TTLL5: variants seen among roughly 807,000 people sequenced by gnomAD.
The protein encoded by TTLL5 is tubulin tyrosine ligase like 5.
TTLL5 carries 132 observed loss-of-function variants against 168.4 expected under a neutral mutation model. The ratio of observed to expected loss-of-function variants is 0.78; its 90% CI spans 0.68 to 0.91. The LOEUF (loss-of-function observed/expected upper bound fraction) is 0.91, where lower values mean the gene tolerates loss of function less well. Ranked by LOEUF, TTLL5 falls within the 40% of genes least tolerant of loss-of-function variation. The pLI, the probability that TTLL5 is intolerant of heterozygous loss-of-function variation, is 0.00. For missense variants in TTLL5, 1,545 were observed against 1,581.5 expected, an observed-to-expected ratio of 0.98 and a Z score of 0.39; for synonymous variants, 546 against 558.6, an observed-to-expected ratio of 0.98 and a Z score of 0.32.
intron 28 of TTLL5, among the ~76,000 whole-genome samples, chr14:75,857,870 C>T (rs950713004): frequency 3.3e-5 from 5 of 151,910 alleles, no homozygotes; most frequent in East Asian, 3.9e-4. Context: ...AGACTGGTCT[C>T]GAACTCCTGA....
chr14:75,729,313 T>G (rs181360320), intron 12 of TTLL5, among the ~76,000 whole-genome samples: 1 of 152,332 alleles, frequency 6.6e-6, no homozygotes, highest in Admixed American at 6.5e-5. Flanking sequence ...TTGTGGATAC[T>G]GAGTTTTTAA....
intron 24 of TTLL5, among the ~76,000 whole-genome samples, chr14:75,780,509 GC>G (rs1434747114): frequency 1.3e-5 from 2 of 152,112 alleles, no homozygotes; most frequent in Admixed American, 6.6e-5. Context: ...AAAGCTCTGT[GC>G]TTTAAATGTA....
At chr14:75,885,671 CGA>C (rs1324735734) in intron 30 of TTLL5, among the ~76,000 whole-genome samples, 1 of 152,172 alleles carries the variant, frequency 6.6e-6, no homozygotes, top group Non-Finnish European at 1.5e-5. Context: ...TCATGGCTCT[CGA>C]AATCAGGATC....
Position 75,775,466 on chromosome 14 carries a change from C to T in TTLL5, c.2137-18C>T, listed in dbSNP as rs1019488818. On this transcript the variant is annotated intron_variant, in intron 21 of 31. Transcript: ENST00000298832. The stretch of plus-strand genomic sequence containing the variant: ...CCATCCCTCCTTTTTTTTTCTCCCA[C>T]GACTCTTTAATTTATAGGAGCTGGT... The T allele has an allele frequency of 1.8e-5, 29 of 1,607,068 alleles. No individual in the cohort carries two copies. The highest frequency in any genetic ancestry group is 2.3e-5 in the Non-Finnish European group (27 of 1,177,368).
intron 27 of TTLL5, chr14:75,818,492 CT>C (rs745540720): frequency 0.067 from 21,538 of 322,432 alleles, 2 homozygotes; most frequent in South Asian, 0.099. Context: ...CTTTTCTTTT[CT>C]TTTTTTTTTT....
In TTLL5 at chr14:75,707,609, C is replaced by CTT; in HGVS notation, c.656-4_656-3dup. 13 of 1,197,940 alleles carry CTT rather than the reference C, an allele frequency of 1.1e-5. No individual in the cohort carries two copies. Among genetic ancestry groups the CTT allele is most frequent in the South Asian group, 4.5e-5 (3 of 66,478 alleles). 74.2% of individuals were successfully genotyped at this position (1,197,940 alleles called of 1,614,324 possible). On this transcript the variant is annotated splice_polypyrimidine_tract_variant and intron_variant, in intron 8 of 31. Transcript: ENST00000298832. The stretch of plus-strand genomic sequence containing the variant: ...CTTAGTTTTTTTTTGTGAATACAAA[C>CTT]TTTTTTTTTTTAGATTTCAAGTTTG...
chr14:75,853,125 A>G (rs1896956805), intron 28 of TTLL5, among the ~76,000 whole-genome samples: 1 of 152,218 alleles, frequency 6.6e-6, no homozygotes. Flanking sequence ...TATTATCAAT[A>G]TATCATCAAG....
At chr14:75,874,930 G>C (rs1187436956) in intron 29 of TTLL5, among the ~76,000 whole-genome samples, 1 of 26,648 alleles carries the variant, frequency 3.8e-5, no homozygotes, top group Admixed American at 4.1e-4. Flanking sequence ...AGACACTGGG[G>C]GCCTTTTTTT....
chr14:75,811,429 G>A (rs1346267734), intron 27 of TTLL5, among the ~76,000 whole-genome samples: 1 of 152,018 alleles, frequency 6.6e-6, no homozygotes, highest in African/African-American at 2.4e-5. Flanking sequence ...CTTGTCTGAC[G>A]ATTTTTCTTT....
chr14:75,935,111 T>A lies in TTLL5; in HGVS notation c.3824-19313T>A, dbSNP rs115803765. ...TGGTGATAGTGAGCTGACATCTGATTCCTCAGTAAGTACACTGAGTTCCCA... is the reference window on the plus strand; with the variant it reads ...TGGTGATAGTGAGCTGACATCTGATACCTCAGTAAGTACACTGAGTTCCCA... On this transcript the variant is annotated intron_variant, in intron 31 of 31. Transcript: ENST00000298832. Among the ~76,000 whole-genome samples, 846 of 152,336 alleles carry A rather than the reference T, an allele frequency of 5.6e-3. 14 individuals are homozygous for A. The highest frequency in any genetic ancestry group is 0.026 in the South Asian group (123 of 4,818).
intron 30 of TTLL5, among the ~76,000 whole-genome samples, chr14:75,884,710 C>T (rs188952146): frequency 6.6e-6 from 1 of 152,126 alleles, no homozygotes; most frequent in South Asian, 2.1e-4. Flanking sequence ...TAAGTTAATA[C>T]TAATAAAGAC....
intron 31 of TTLL5, chr14:75,906,530 A>G: frequency 1.0e-6 from 1 of 985,830 alleles, no homozygotes; most frequent in Non-Finnish European, 1.2e-6. Flanking sequence ...AGTGTTAAGT[A>G]GAGATACTTT....
chr14:75,901,522 A>T (rs774307891), intron 30 of TTLL5, among the ~76,000 whole-genome samples: 1 of 152,178 alleles, frequency 6.6e-6, no homozygotes, highest in Non-Finnish European at 1.5e-5. Flanking sequence ...GCGATTATTG[A>T]CACCATGGAG....
At chr14:75,740,788 T>A (rs890207642) in intron 15 of TTLL5, among the ~76,000 whole-genome samples, 11 of 152,200 alleles carry the variant, frequency 7.2e-5, no homozygotes, top group African/African-American at 2.4e-4. Flanking sequence ...TTACCTGTTG[T>A]TTTTTAGATG....
intron 12 of TTLL5, among the ~76,000 whole-genome samples, chr14:75,728,110 C>T (rs1262065371): frequency 6.6e-6 from 1 of 152,170 alleles, no homozygotes; most frequent in Non-Finnish European, 1.5e-5. Context: ...AATCCCAGCA[C>T]TTTGGGAGGC....
intron 28 of TTLL5, among the ~76,000 whole-genome samples, chr14:75,834,777 C>A (rs760950537): frequency 6.6e-6 from 1 of 152,140 alleles, no homozygotes. Flanking sequence ...TTAGAACTTG[C>A]GCTTTGGGCT....
intron 21 of TTLL5, among the ~76,000 whole-genome samples, chr14:75,773,937 G>GAGAC (rs1891517886): frequency 3.1e-5 from 1 of 32,194 alleles, no homozygotes; most frequent in Non-Finnish European, 7.2e-5. Flanking sequence ...TAGAGAGAGA[G>GAGAC]AGAGAGAGAG....
intron 27 of TTLL5, among the ~76,000 whole-genome samples, chr14:75,805,008 C>A (rs1893566483): frequency 6.6e-6 from 1 of 152,132 alleles, no homozygotes; most frequent in Non-Finnish European, 1.5e-5. Context: ...ACTTGTACTG[C>A]CAAACTTCTT....
At chr14:75,933,992 G>A (rs1205630051) in intron 31 of TTLL5, among the ~76,000 whole-genome samples, 2 of 152,184 alleles carry the variant, frequency 1.3e-5, no homozygotes, top group Non-Finnish European at 2.9e-5. Context: ...ACAACTGTGA[G>A]AAAATGAGTT....
Sources: gnomAD v4.1 joint callset for allele counts (sites outside exome capture counted in the v4.1 genomes callset) on GRCh38, gnomAD v4.1.1 for gene constraint, MANE v1.5 for transcripts, NCBI Gene and HGNC (gene_info 2026-07-23, HGNC 2026-07-21) for gene names.